CSTL1: variants seen among roughly 807,000 people sequenced by gnomAD.
CSTL1 encodes the protein cystatin-like 1.
In CSTL1, 14 loss-of-function variants were observed where a neutral mutation model predicts 14.4. That is an observed-to-expected ratio of 0.97 (90% confidence interval 0.64 to 1.52). The LOEUF is 1.52. Among genes scored for constraint, CSTL1 ranks in the 40% most tolerant of loss-of-function variants. The pLI, the probability that CSTL1 is intolerant of heterozygous loss-of-function variation, is 0.00. For missense variants in CSTL1, 170 were observed against 168.7 expected, an observed-to-expected ratio of 1.01 and a Z score of -0.04; for synonymous variants, 72 against 67.5, an observed-to-expected ratio of 1.07 and a Z score of -0.33.
chr20:23,451,959 C>A, the CSTL1 span: 2 of 1,493,110 alleles, frequency 1.3e-6, no homozygotes, highest in East Asian at 4.5e-5. Context: ...AGCTTGTCCC[C>A]TTCTCCCCTG....
chr20:23,450,770 G>A, the CSTL1 span, among the ~76,000 whole-genome samples: 5 of 152,118 alleles, frequency 3.3e-5, no homozygotes, highest in Admixed American at 1.3e-4. Context: ...ACTATCAAGC[G>A]GCTGAAATCA....
chr20:23,460,507 G>A, the CSTL1 span, among the ~76,000 whole-genome samples: 1 of 152,054 alleles, frequency 6.6e-6, no homozygotes, highest in Non-Finnish European at 1.5e-5. Flanking sequence ...CATAAATTTT[G>A]TAATCATGGG....
At chr20:23,453,397 G>A in the CSTL1 span, among the ~76,000 whole-genome samples, 4 of 152,178 alleles carry the variant, frequency 2.6e-5, no homozygotes, top group African/African-American at 9.7e-5. Context: ...GTACCGACAA[G>A]TCCTAGAGTG....
the CSTL1 span, among the ~76,000 whole-genome samples, chr20:23,456,023 A>T: frequency 1.3e-5 from 2 of 152,110 alleles, no homozygotes; most frequent in African/African-American, 4.8e-5. Flanking sequence ...CTCTATGTTC[A>T]TAATTCTTTA....
chr20:23,445,466 C>A (rs1986948219), downstream of CSTL1, among the ~76,000 whole-genome samples: 1 of 152,080 alleles, frequency 6.6e-6, no homozygotes, highest in East Asian at 1.9e-4. Flanking sequence ...CCTTTCTTGC[C>A]TAGGCTGGTC....
At chr20:23,444,627 G>A (rs57896475) in intron 3 of CSTL1, 144 bp from the exon 4 acceptor site, 35,763 of 616,236 alleles carry the variant, frequency 0.058, 1,492 homozygotes, top group African/African-American at 0.17. Context: ...ACTCCTTTCT[G>A]TTTCTACCCT....
the CSTL1 span, chr20:23,450,558 A>G: frequency 6.2e-7 from 1 of 1,611,476 alleles, no homozygotes; most frequent in Non-Finnish European, 8.5e-7. Flanking sequence ...AAACCAGGGT[A>G]CAGCAAACAC....
the CSTL1 span, among the ~76,000 whole-genome samples, chr20:23,456,991 T>G: frequency 1.3e-5 from 2 of 152,188 alleles, no homozygotes; most frequent in East Asian, 3.9e-4. Flanking sequence ...ATCTGCAAAG[T>G]CACTTTTGCC....
chr20:23,443,868 C>G (rs946319046), intron 2 of CSTL1, 66 bp from the exon 3 acceptor site: 106 of 1,204,462 alleles, frequency 8.8e-5, no homozygotes, highest in Admixed American at 2.1e-4. Context: ...GTCCTAGCTT[C>G]TCCAGGAGAG....
downstream of CSTL1, among the ~76,000 whole-genome samples, chr20:23,448,911 G>T (rs144372816): frequency 6.6e-6 from 1 of 152,190 alleles, no homozygotes; most frequent in African/African-American, 2.4e-5. Context: ...GCCTCAAGGA[G>T]TAGGTACTGT....
the CSTL1 span, among the ~76,000 whole-genome samples, chr20:23,457,083 C>T: frequency 6.6e-6 from 1 of 152,220 alleles, no homozygotes; most frequent in South Asian, 2.1e-4. Context: ...CATGGCAGCA[C>T]AGAGGCTCTC....
chr20:23,452,925 C>A, the CSTL1 span: 5 of 726,480 alleles, frequency 6.9e-6, no homozygotes, highest in Non-Finnish European at 9.2e-6. Context: ...GGTGGACACC[C>A]ACAGCTCTCC....
chr20:23,445,632 C>T (rs986709664), downstream of CSTL1, among the ~76,000 whole-genome samples: 1 of 152,202 alleles, frequency 6.6e-6, no homozygotes, highest in Non-Finnish European at 1.5e-5. Context: ...CACCCCACAT[C>T]TCTATGGCTT....
the CSTL1 span, among the ~76,000 whole-genome samples, chr20:23,451,292 G>C: frequency 7.4e-6 from 1 of 135,446 alleles, no homozygotes; most frequent in African/African-American, 3.5e-5. Context: ...TGCCTTCGGG[G>C]GTGGTGGCTT....
the CSTL1 span, among the ~76,000 whole-genome samples, chr20:23,458,245 A>C: frequency 6.6e-6 from 1 of 152,208 alleles, no homozygotes; most frequent in African/African-American, 2.4e-5. Flanking sequence ...CTCAGACTGC[A>C]GTTTGTATAT....
chr20:23,452,007 G>T, the CSTL1 span: 1 of 925,850 alleles, frequency 1.1e-6, no homozygotes, highest in Non-Finnish European at 1.7e-6. Context: ...GCTACCCCAC[G>T]TCCAAGGGCA....
At chr20:23,451,513 G>A in the CSTL1 span, among the ~76,000 whole-genome samples, 5 of 152,146 alleles carry the variant, frequency 3.3e-5, no homozygotes, top group Non-Finnish European at 4.4e-5. Context: ...CCTCCCACAG[G>A]CTGCTTAAAT....
At chr20:23,454,208 T>C in the CSTL1 span, among the ~76,000 whole-genome samples, 1 of 142,614 alleles carries the variant, frequency 7.0e-6, no homozygotes, top group East Asian at 2.1e-4. Context: ...CACTGAAACA[T>C]ATAGACACAC....
At chr20:23,450,977 T>TACCCATATGTCCATCCATCC in the CSTL1 span, among the ~76,000 whole-genome samples, 602 of 152,266 alleles carry the variant, frequency 4.0e-3, 4 homozygotes, top group African/African-American at 0.014. Context: ...TCCATTCATC[T>TACCCATATGTCCATCCATCC]ACCCATATGT....
Sources: allele counts gnomAD v4.1 joint callset (sites outside exome capture counted in the v4.1 genomes callset), GRCh38; gene constraint gnomAD v4.1.1; transcripts MANE v1.5; gene names NCBI Gene and HGNC (gene_info 2026-07-23, HGNC 2026-07-21).